Variants in TBX5 observed in about 807,000 individuals in gnomAD.
TBX5 encodes T-box transcription factor TBX5.
A neutral mutation model predicts 51.1 loss-of-function variants in TBX5; 8 were observed. The observed-to-expected ratio is 0.16, with a 90% CI of 0.09 to 0.28. The LOEUF is 0.28. TBX5 is among the 10% of genes least tolerant of loss of function. The pLI is 1.00. For missense variants in TBX5, 589 were observed against 671.7 expected (o/e 0.88, Z 1.36); for synonymous variants, 302 against 266.4 (o/e 1.13, Z -1.30).
At chr12:114,382,420 T>G (rs1017478927) in intron 7 of TBX5, among the ~76,000 whole-genome samples, 8 of 152,158 alleles carry the variant, frequency 5.3e-5, no homozygotes, top group Non-Finnish European at 5.9e-5. Flanking sequence ...TCCCAGCACT[T>G]TGGGAGCCTG....
chr12:114,368,734 C>T (rs1314074075), intron 7 of TBX5, among the ~76,000 whole-genome samples: 2 of 152,172 alleles, frequency 1.3e-5, no homozygotes, highest in African/African-American at 4.8e-5. Flanking sequence ...TGAACATCTC[C>T]ACCCTATGTC....
intron 7 of TBX5, 93 bp downstream of exon 7, chr12:114,385,383 G>T (rs1048088277): frequency 8.2e-5 from 86 of 1,045,080 alleles, no homozygotes; most frequent in Middle Eastern, 4.0e-4. Context: ...GGGCAGGAAG[G>T]CTGGTGGAGG....
At chr12:114,385,646 A>C in intron 6 of TBX5, 79 bp from the exon 7 acceptor site, 2 of 1,227,696 alleles carry the variant, frequency 1.6e-6, no homozygotes, top group Non-Finnish European at 2.4e-6. Context: ...AGCTAATAAT[A>C]AATATCATGG....
intron 7 of TBX5, among the ~76,000 whole-genome samples, chr12:114,367,154 T>G (rs1250783240): frequency 7.1e-6 from 1 of 139,894 alleles, no homozygotes; most frequent in Non-Finnish European, 1.5e-5. Context: ...GCAGAGAGAA[T>G]AGAGGGAGGG....
chr12:114,401,416 C>T (rs1871804742), intron 3 of TBX5, among the ~76,000 whole-genome samples: 1 of 152,162 alleles, frequency 6.6e-6, no homozygotes, highest in African/African-American at 2.4e-5. Context: ...AGATAAAGTC[C>T]AAGATCCCTG....
chr12:114,366,457 A>T, intron 7 of TBX5, 66 bp from the exon 8 acceptor site: 1 of 1,516,246 alleles, frequency 6.6e-7, no homozygotes, highest in East Asian at 2.3e-5. Context: ...GAGTGGCTGA[A>T]CCAGGTGTGA....
intron 5 of TBX5, among the ~76,000 whole-genome samples, chr12:114,395,390 T>TAA (rs200368469): frequency 7.5e-5 from 11 of 147,616 alleles, no homozygotes; most frequent in African/African-American, 2.7e-4. Flanking sequence ...CTGAAATAAG[T>TAA]AAAAAAAAAA....
intron 8 of TBX5, among the ~76,000 whole-genome samples, chr12:114,360,055 A>T (rs1869148165): frequency 1.3e-5 from 2 of 152,194 alleles, no homozygotes; most frequent in Admixed American, 1.3e-4. Flanking sequence ...CCTATTGAGC[A>T]AATATTTTCA....
At chr12:114,393,673 C>T (rs910764950) in intron 6 of TBX5, among the ~76,000 whole-genome samples, 6 of 152,166 alleles carry the variant, frequency 3.9e-5, no homozygotes, top group Admixed American at 2.0e-4. Context: ...CTTTGAAATG[C>T]CAAAACCAGT....
chr12:114,376,272 T>TACAC lies in TBX5; in HGVS notation c.755+9203_755+9204insGTGT, dbSNP rs200216641. ...ATAAAGAAAATGTGGTGTGTATATATATACACACACACACACACACTAGAA... is the reference window on the plus strand; with the variant it reads ...ATAAAGAAAATGTGGTGTGTATATATACACATACACACACACACACACACTAGAA... On this transcript the variant is annotated intron_variant, in intron 7 of 8. Transcript: ENST00000405440. Among the ~76,000 whole-genome samples the TACAC allele has an allele frequency of 3.3e-3, 483 of 148,592 alleles. 3 individuals are homozygous for TACAC. The highest frequency in any genetic ancestry group is 0.011 in the African/African-American group (459 of 40,516).
In TBX5 at chr12:114,355,928, G is replaced by A. The variant is rs753688559; in HGVS notation, c.1161C>T (p.Ser387=). 1.1e-5 allele frequency: 18 copies of A among 1,613,730 alleles called. No homozygotes were observed. The highest frequency in any genetic ancestry group is 5.0e-5 in the Admixed American group (3 of 60,030). Residue 387 remains serine, a synonymous_variant, in exon 9 of 9, where the codon AGC becomes AGT. Transcript: ENST00000405440. ...ACMYASSAPP[S]EPVPSLEDIS... ...TGTCCTCTAGGCTGGGCACAGGCTC[G>A]CTGGGGGGCGCAGAGCTGGCATACA...
rs1197974935 is a variant in TBX5 at position 114,398,294 on chromosome 12, G to A, written c.510+279C>T. Among the ~76,000 whole-genome samples, 7 of 152,086 alleles carry A rather than the reference G, an allele frequency of 4.6e-5. No homozygotes were observed. In the South Asian group the frequency reaches 6.2e-4, roughly 14 times the overall value. ...GTGTAGGAGAGTAGTGGAGACAGAG[G>A]ATGAAATAGTAGGAAGAAAAAGAAA... On this transcript the variant is annotated intron_variant, in intron 5 of 8. Coordinates refer to ENST00000405440, the MANE Select transcript of TBX5 (RefSeq NM_181486.4).
intron 5 of TBX5, 24 bp downstream of exon 5, chr12:114,398,549 G>A (rs1322420006): frequency 2.2e-5 from 35 of 1,609,676 alleles, no homozygotes; most frequent in Non-Finnish European, 3.0e-5. Flanking sequence ...AGACAAGGCG[G>A]GGAATCCAGG....
rs57461344 is a variant in TBX5, at chr12:114,370,293, A to AAAAGAAAAGAAAAGAAAAC, written c.756-3903_756-3902insGTTTTCTTTTCTTTTCTTT. Reference sequence around the variant, plus strand: ...GAAAAGAAAAGAAAAGAAAAGAAAGAAAAGAAAAGAAAAGAAAAGAAAGAA... The same window carrying AAAAGAAAAGAAAAGAAAAC: ...GAAAAGAAAAGAAAAGAAAAGAAAGAAAAGAAAAGAAAAGAAAACAAAGAAAAGAAAAGAAAAGAAAGAA... On this transcript the variant is annotated intron_variant, in intron 7 of 8. Transcript: ENST00000405440. Among the ~76,000 whole-genome samples, 436 of 128,788 alleles carry AAAAGAAAAGAAAAGAAAAC rather than the reference A, an allele frequency of 3.4e-3. 28 individuals are homozygous for AAAAGAAAAGAAAAGAAAAC. The highest frequency in any genetic ancestry group is 0.012 in the African/African-American group (405 of 33,822). The allele number at this position is 128,788 out of a possible 152,430, so 84.5% of individuals were successfully genotyped here.
intron 8 of TBX5, among the ~76,000 whole-genome samples, chr12:114,360,566 G>A (rs1869180144): frequency 6.6e-6 from 1 of 151,600 alleles, no homozygotes; most frequent in Non-Finnish European, 1.5e-5. Context: ...GTTGATAGAT[G>A]GGTGGGGGGA....
chr12:114,388,503 G>T (rs1031635539), intron 6 of TBX5, among the ~76,000 whole-genome samples: 1 of 150,722 alleles, frequency 6.6e-6, no homozygotes, highest in African/African-American at 2.4e-5. Flanking sequence ...TTTGAGACAG[G>T]GTCTCACTCT....
intron 8 of TBX5, among the ~76,000 whole-genome samples, chr12:114,364,236 T>C (rs1310603260): frequency 6.6e-6 from 1 of 152,248 alleles, no homozygotes; most frequent in East Asian, 1.9e-4. Flanking sequence ...CGAGTTATTT[T>C]TTCCTAAAGG....
intron 7 of TBX5, among the ~76,000 whole-genome samples, chr12:114,380,397 C>T (rs1279737798): frequency 1.3e-5 from 2 of 152,176 alleles, no homozygotes; most frequent in Non-Finnish European, 2.9e-5. Context: ...CAATGTTCCC[C>T]AAACCTTGAT....
At chr12:114,378,722 T>C (rs1004756062) in intron 7 of TBX5, among the ~76,000 whole-genome samples, 1 of 152,156 alleles carries the variant, frequency 6.6e-6, no homozygotes, top group African/African-American at 2.4e-5. Context: ...CTGCAACCTC[T>C]ACCTCTGGGG....
Sources: gnomAD v4.1 joint callset for allele counts (sites outside exome capture counted in the v4.1 genomes callset) on GRCh38, gnomAD v4.1.1 for gene constraint, MANE v1.5 for transcripts, NCBI Gene and HGNC (gene_info 2026-07-23, HGNC 2026-07-21) for gene names.